The following SLC35D4 variants were observed in gnomAD, a reference collection of about 807,000 sequenced individuals.
SLC35D4 encodes the protein solute carrier family 35 member D4.
chr18:23,279,955 T>G, the SLC35D4 span, among the ~76,000 whole-genome samples: 1 of 152,198 alleles, frequency 6.6e-6, no homozygotes, highest in Non-Finnish European at 1.5e-5. Flanking sequence ...TCCTCCCACC[T>G]TGGCCTCCTA....
chr18:23,396,401 C>T, the SLC35D4 span, among the ~76,000 whole-genome samples: 1 of 152,278 alleles, frequency 6.6e-6, no homozygotes, highest in African/African-American at 2.4e-5. Flanking sequence ...TGTACAAGTG[C>T]CTCATGTTTA....
chr18:23,246,815 C>G, the SLC35D4 span, among the ~76,000 whole-genome samples: 1 of 151,908 alleles, frequency 6.6e-6, no homozygotes, highest in African/African-American at 2.4e-5. Context: ...GCCTTAGCCT[C>G]CCAAGTAGCT....
chr18:23,382,083 A>T, the SLC35D4 span, among the ~76,000 whole-genome samples: 1 of 151,940 alleles, frequency 6.6e-6, no homozygotes, highest in African/African-American at 2.4e-5. Context: ...TACTAAAAAT[A>T]CAAAAAATTA....
At chr18:23,330,423 T>C in the SLC35D4 span, among the ~76,000 whole-genome samples, 1 of 152,004 alleles carries the variant, frequency 6.6e-6, no homozygotes, top group Admixed American at 6.6e-5. Flanking sequence ...GTTTCTAAGG[T>C]TTTTTTTCTA....
the SLC35D4 span, among the ~76,000 whole-genome samples, chr18:23,256,737 G>A: frequency 2.0e-5 from 3 of 152,102 alleles, no homozygotes; most frequent in Non-Finnish European, 4.4e-5. Context: ...CACCCACCTC[G>A]GCCTCCCAAG....
the SLC35D4 span, among the ~76,000 whole-genome samples, chr18:23,338,958 T>C: frequency 6.6e-6 from 1 of 152,116 alleles, no homozygotes; most frequent in African/African-American, 2.4e-5. Flanking sequence ...TCATAGCTCA[T>C]TGCAGCCTCA....
chr18:23,253,990 C>G, the SLC35D4 span: 5 of 1,506,576 alleles, frequency 3.3e-6, no homozygotes, highest in Non-Finnish European at 3.7e-6. Flanking sequence ...GTCCGGGGTT[C>G]CTCTCTCAGA....
the SLC35D4 span, among the ~76,000 whole-genome samples, chr18:23,317,976 G>A: frequency 6.6e-6 from 1 of 152,090 alleles, no homozygotes. Context: ...GACCTCAAAT[G>A]ATCCACCCTC....
the SLC35D4 span, chr18:23,373,714 G>A: frequency 6.2e-7 from 1 of 1,613,718 alleles, no homozygotes; most frequent in Non-Finnish European, 8.5e-7. Flanking sequence ...GGACTTACCT[G>A]GGAGTCATTG....
the SLC35D4 span, among the ~76,000 whole-genome samples, chr18:23,391,541 G>A: frequency 6.6e-6 from 1 of 152,212 alleles, no homozygotes; most frequent in Non-Finnish European, 1.5e-5. Context: ...TTGCTAGAAT[G>A]CAGTGGCGTG....
At chr18:23,247,242 G>A in the SLC35D4 span, among the ~76,000 whole-genome samples, 3 of 152,232 alleles carry the variant, frequency 2.0e-5, no homozygotes, top group African/African-American at 7.2e-5. Context: ...AGGATGTGCC[G>A]GAGAATCATG....
chr18:23,274,935 G>T, the SLC35D4 span, among the ~76,000 whole-genome samples: 1 of 152,136 alleles, frequency 6.6e-6, no homozygotes, highest in Non-Finnish European at 1.5e-5. Context: ...GTGTGCTTGT[G>T]TGTGTTTGTG....
the SLC35D4 span, among the ~76,000 whole-genome samples, chr18:23,355,103 G>C: frequency 6.6e-6 from 1 of 152,096 alleles, no homozygotes; most frequent in Non-Finnish European, 1.5e-5. Context: ...AATGAAACAG[G>C]GAAAACCAAT....
chr18:23,406,234 G>T, the SLC35D4 span, among the ~76,000 whole-genome samples: 2 of 152,170 alleles, frequency 1.3e-5, no homozygotes, highest in Non-Finnish European at 2.9e-5. Flanking sequence ...CCAGCAATTT[G>T]CAGATTAACT....
chr18:23,248,808 A>G, the SLC35D4 span, among the ~76,000 whole-genome samples: 1 of 152,336 alleles, frequency 6.6e-6, no homozygotes, highest in South Asian at 2.1e-4. Context: ...CTGGGCAACA[A>G]GAGCGAAACT....
At chr18:23,248,085 T>C in the SLC35D4 span, among the ~76,000 whole-genome samples, 4 of 152,054 alleles carry the variant, frequency 2.6e-5, no homozygotes, top group African/African-American at 7.2e-5. Flanking sequence ...CGGGCCAGAG[T>C]GGGCCTGGCG....
At chr18:23,279,445 G>C in the SLC35D4 span, among the ~76,000 whole-genome samples, 1 of 152,174 alleles carries the variant, frequency 6.6e-6, no homozygotes, top group Non-Finnish European at 1.5e-5. Flanking sequence ...TGAGTGCTAT[G>C]AGTCCCCTAA....
chr18:23,289,696 G>A, the SLC35D4 span, among the ~76,000 whole-genome samples: 1 of 152,136 alleles, frequency 6.6e-6, no homozygotes, highest in Non-Finnish European at 1.5e-5. Context: ...CCCGTGACCT[G>A]CACACATCCA....
the SLC35D4 span, among the ~76,000 whole-genome samples, chr18:23,419,544 G>A: frequency 1.7e-4 from 26 of 151,904 alleles, no homozygotes; most frequent in African/African-American, 4.8e-5. Context: ...CACCTGTCTC[G>A]GCCTCCCAAA....
Sources: allele counts gnomAD v4.1 joint callset (sites outside exome capture counted in the v4.1 genomes callset), GRCh38; gene constraint gnomAD v4.1.1; transcripts MANE v1.5; gene names NCBI Gene and HGNC (gene_info 2026-07-23, HGNC 2026-07-21).